Variants in SGCZ observed in about 807,000 individuals in gnomAD.
SGCZ encodes zeta-sarcoglycan.
A neutral mutation model predicts 41.3 loss-of-function variants in SGCZ; 40 were observed. The ratio of observed to expected loss-of-function variants is 0.97; its 90% CI spans 0.75 to 1.26. SGCZ has a LOEUF of 1.26. SGCZ is among the 50% of genes most tolerant of loss of function. SGCZ has a pLI of 0.00. For synonymous variants in SGCZ, 206 were observed against 137.5 expected (o/e 1.50, Z -3.49); for missense variants, 552 against 369.8 (o/e 1.49, Z -4.04).
At chr8:14,462,959 A>C (rs1479121869) in intron 2 of SGCZ, among the ~76,000 whole-genome samples, 1 of 151,514 alleles carries the variant, frequency 6.6e-6, no homozygotes, top group East Asian at 1.9e-4. Flanking sequence ...TTGTAAACTT[A>C]ATTGCTTTTG....
intron 1 of SGCZ, among the ~76,000 whole-genome samples, chr8:15,030,745 G>T (rs1481794958): frequency 1.3e-5 from 2 of 152,112 alleles, no homozygotes; most frequent in Non-Finnish European, 2.9e-5. Context: ...ATGATTTCCT[G>T]GTTAAGGACT....
chr8:14,216,363 T>C (rs1030655161), intron 4 of SGCZ, among the ~76,000 whole-genome samples: 1 of 152,036 alleles, frequency 6.6e-6, no homozygotes, highest in South Asian at 2.1e-4. Flanking sequence ...TATCGTCTCC[T>C]CCGAATCACA....
At chr8:14,903,818 G>C (rs1412785549) in intron 1 of SGCZ, among the ~76,000 whole-genome samples, 2 of 151,904 alleles carry the variant, frequency 1.3e-5, no homozygotes, top group Non-Finnish European at 2.9e-5. Context: ...TAGAAAGAAA[G>C]GAGACATATT....
At chr8:14,386,264 T>G (rs1175645968) in intron 2 of SGCZ, among the ~76,000 whole-genome samples, 2 of 151,404 alleles carry the variant, frequency 1.3e-5, no homozygotes, top group East Asian at 3.9e-4. Flanking sequence ...GTTTAAAACT[T>G]CAGTATCAAT....
chr8:14,949,349 T>C (rs747994386), intron 1 of SGCZ, among the ~76,000 whole-genome samples: 1 of 152,136 alleles, frequency 6.6e-6, no homozygotes. Flanking sequence ...AGTATGCAAA[T>C]TGAATTTTAA....
At position 14,502,224 on chromosome 8, in the gene SGCZ, A is replaced by G. The variant is rs1413274456; in HGVS notation, c.234+52508T>C. Among the ~76,000 whole-genome samples, 3 of 152,124 alleles carry G rather than the reference A, an allele frequency of 2.0e-5. No individual in the cohort carries two copies. In the East Asian group the frequency reaches 5.8e-4, roughly 29 times the overall value. ...GAAAGATTTCAAATAATTAAGCGGC[A>G]TCAATACAAAAAAGGATTTTTATTC... is the stretch of plus-strand genomic sequence containing the variant. On this transcript the variant is annotated intron_variant, in intron 2 of 7. Coordinates refer to ENST00000382080, the MANE Select transcript of SGCZ (RefSeq NM_139167.4).
chr8:14,949,127 A>C (rs542458678), intron 1 of SGCZ, among the ~76,000 whole-genome samples: 5 of 152,150 alleles, frequency 3.3e-5, no homozygotes, highest in Non-Finnish European at 7.4e-5. Flanking sequence ...AAAATCAAGA[A>C]TTAGCCTGAA....
intron 3 of SGCZ, among the ~76,000 whole-genome samples, chr8:14,280,237 C>G (rs887106049): frequency 6.6e-6 from 1 of 151,716 alleles, no homozygotes; most frequent in Non-Finnish European, 1.5e-5. Context: ...TATAAATAGT[C>G]TGTGTATTCT....
chr8:14,216,575 C>T (rs1282311336), intron 4 of SGCZ, among the ~76,000 whole-genome samples: 8 of 152,070 alleles, frequency 5.3e-5, no homozygotes, highest in Non-Finnish European at 1.2e-4. Context: ...CATGACTTAG[C>T]GGGATTTATT....
chr8:14,280,117 C>T (rs1800371596), intron 3 of SGCZ, among the ~76,000 whole-genome samples: 1 of 151,886 alleles, frequency 6.6e-6, no homozygotes. Flanking sequence ...ATGAAATATA[C>T]TTTTACAGTA....
chr8:14,562,707 A>T (rs1472993324), intron 1 of SGCZ, among the ~76,000 whole-genome samples: 6 of 152,176 alleles, frequency 3.9e-5, no homozygotes, highest in Non-Finnish European at 8.8e-5. Flanking sequence ...TTTTTGAGAG[A>T]TAAAGAAAAT....
intron 4 of SGCZ, among the ~76,000 whole-genome samples, chr8:14,233,591 A>AATATATAT (rs749854594): frequency 1.6e-5 from 2 of 127,556 alleles, no homozygotes; most frequent in Non-Finnish European, 3.5e-5. Flanking sequence ...TTCTATATAA[A>AATATATAT]ATATAGATAT....
chr8:14,343,197 C>T (rs1473298216), intron 2 of SGCZ, among the ~76,000 whole-genome samples: 1 of 152,232 alleles, frequency 6.6e-6, no homozygotes, highest in Admixed American at 6.5e-5. Flanking sequence ...TGGGCAGGGC[C>T]CTCATGGAGA....
chr8:14,506,215 G>T lies in SGCZ; in HGVS notation c.234+48517C>A, dbSNP rs188682356. ...AACAAACAAACAGAAACAAAAAAACGATTTTCTAACAACAAACTCCCACCA... is the reference window on the plus strand; with the variant it reads ...AACAAACAAACAGAAACAAAAAAACTATTTTCTAACAACAAACTCCCACCA... On this transcript the variant is annotated intron_variant, in intron 2 of 7. Transcript: ENST00000382080. Among the ~76,000 whole-genome samples the T allele has an allele frequency of 1.0e-3, 159 of 151,902 alleles. 1 individual carries two copies. Among genetic ancestry groups the T allele is most frequent in the Non-Finnish European group, 1.1e-3 (76 of 67,924 alleles).
At chr8:15,174,215 C>G (rs1799934083) in intron 1 of SGCZ, among the ~76,000 whole-genome samples, 3 of 152,080 alleles carry the variant, frequency 2.0e-5, no homozygotes, top group Admixed American at 2.0e-4. Context: ...CGAAACTCAC[C>G]AGCAACTAAA....
intron 4 of SGCZ, among the ~76,000 whole-genome samples, chr8:14,234,504 G>C (rs192458634): frequency 2.4e-4 from 37 of 152,152 alleles, no homozygotes; most frequent in Non-Finnish European, 4.7e-4. Context: ...CTTTCTAACA[G>C]AAATCGATGC....
chr8:14,762,576 A>G (rs1210990274), intron 1 of SGCZ, among the ~76,000 whole-genome samples: 1 of 152,230 alleles, frequency 6.6e-6, no homozygotes, highest in Non-Finnish European at 1.5e-5. Flanking sequence ...TTAATTGAAA[A>G]CAAATGAAAT....
intron 1 of SGCZ, among the ~76,000 whole-genome samples, chr8:14,992,542 C>T (rs1178712869): frequency 6.7e-6 from 1 of 150,202 alleles, no homozygotes; most frequent in East Asian, 2.0e-4. Flanking sequence ...AACTCCAAAA[C>T]TAATGTTGGC....
chr8:15,166,567 GT>G (rs1461143096), intron 1 of SGCZ, among the ~76,000 whole-genome samples: 2 of 151,852 alleles, frequency 1.3e-5, no homozygotes, highest in Non-Finnish European at 2.9e-5. Context: ...CCTTCTTTAG[GT>G]TTTATCTTGG....
Sources: allele counts gnomAD v4.1 joint callset (sites outside exome capture counted in the v4.1 genomes callset), GRCh38; gene constraint gnomAD v4.1.1; transcripts MANE v1.5; gene names NCBI Gene and HGNC (gene_info 2026-07-23, HGNC 2026-07-21).